The following MAP7 variants were observed in gnomAD, a reference collection of about 807,000 sequenced individuals.
The protein encoded by MAP7 is microtubule associated protein 7, also known as ensconsin.
Under a neutral mutation model 94.8 loss-of-function variants are expected in MAP7, and 52 were observed. That is an observed-to-expected ratio of 0.55 (90% CI 0.44 to 0.69). MAP7 has a LOEUF of 0.69. Ranked by LOEUF, MAP7 falls within the 30% of genes least tolerant of loss-of-function variation. The pLI is 0.00. For synonymous variants in MAP7, 350 were observed against 357.0 expected (o/e 0.98, Z 0.22); for missense variants, 940 against 964.6 (o/e 0.97, Z 0.34).
intron 3 of MAP7, among the ~76,000 whole-genome samples, chr6:136,397,662 C>T (rs1782899432): frequency 6.6e-6 from 1 of 152,090 alleles, no homozygotes; most frequent in Non-Finnish European, 1.5e-5. Flanking sequence ...GACAAAGTGG[C>T]CCACTGGAAG....
At position 136,379,241 on chromosome 6, in the gene MAP7, A is replaced by G. The variant is rs981994940; in HGVS notation, c.638-1373T>C. 2.0e-5 allele frequency among the ~76,000 whole-genome samples: 3 copies of G among 152,074 alleles called. No individual in the cohort carries two copies. The East Asian group carries it at 5.8e-4, about 29-fold the overall frequency. ...CATTGTCTTAAAAATAGTTGCTTCC[A>G]TTTGGAATGAAGTATCAATTTCCAA... On this transcript the variant is annotated intron_variant, in intron 6 of 17. Coordinates refer to ENST00000354570, the MANE Select transcript of MAP7 (RefSeq NM_003980.6).
In MAP7 at chr6:136,505,267, GTGTGTGTGTGTATATATATATA is replaced by G. The variant is rs1169274282; in HGVS notation, c.67+45053_67+45074del. ...TTCCATGTAATGTGTGTGTGTGTGT[GTGTGTGTGTGTATATATATATA>G]TATATATATATATATATATATATAG... On this transcript the variant is annotated intron_variant, in intron 1 of 17. Transcript: ENST00000354570. Among the ~76,000 whole-genome samples, 31 of 104,858 alleles carry G rather than the reference GTGTGTGTGTGTATATATATATA, an allele frequency of 3.0e-4. No individual in the cohort carries two copies. In the East Asian group the frequency reaches 6.8e-3, roughly 23 times the overall value. 68.8% of individuals were successfully genotyped at this position (104,858 alleles called of 152,430 possible). A position where few individuals can be genotyped will look rare whatever the true frequency, so the allele number is the denominator to read the frequency against.
intron 3 of MAP7, among the ~76,000 whole-genome samples, chr6:136,393,316 T>A (rs1582775639): frequency 6.6e-6 from 1 of 152,234 alleles, no homozygotes; most frequent in Non-Finnish European, 1.5e-5. Flanking sequence ...AGCAGATCCA[T>A]GTTTTGAGAA....
Position 136,550,313 on chromosome 6 carries a change from G to C in MAP7, c.67+29C>G, listed in dbSNP as rs1830055604. 6.7e-7 allele frequency: 1 copy of C among 1,488,372 alleles called. No individual in the cohort carries two copies. The highest frequency in any genetic ancestry group is 1.3e-5 in the South Asian group (1 of 78,280). 92.2% of individuals were successfully genotyped at this position (1,488,372 alleles called of 1,614,324 possible). ...CCGCTCGCCGTCCCCTGCCCGACGG[G>C]ACCCCCACTATCCCCGCTGTGCGGT... On this transcript the variant is annotated intron_variant, in intron 1 of 17. Coordinates refer to ENST00000354570, the MANE Select transcript of MAP7 (RefSeq NM_003980.6). This position sits in a 1 kb window ranked among gnomAD's most constrained non-coding sequence, Gnocchi z 5.1.
chr6:136,480,444 C>A (rs1286400909), intron 1 of MAP7, among the ~76,000 whole-genome samples: 6 of 151,584 alleles, frequency 4.0e-5, no homozygotes, highest in Non-Finnish European at 2.9e-5. Flanking sequence ...AGATCAAGAC[C>A]ATCCTGGCTA....
At position 136,449,066 on chromosome 6, in the gene MAP7, T is replaced by C. The variant is rs113174111; in HGVS notation, c.68-27267A>G. 3.3e-4 allele frequency among the ~76,000 whole-genome samples: 49 copies of C among 149,978 alleles called. 1 individual carries two copies. Among genetic ancestry groups the C allele is most frequent in the African/African-American group, 1.2e-3 (47 of 40,810 alleles). ...GCTCAAGCCCGTAATCCCAGCACTT[T>C]GGGAGGCCGAGGCGGGCGGATCACG... is the stretch of plus-strand genomic sequence containing the variant. On this transcript the variant is annotated intron_variant, in intron 1 of 17. Coordinates refer to ENST00000354570, the MANE Select transcript of MAP7 (RefSeq NM_003980.6).
In MAP7 at chr6:136,481,759, T is replaced by C. The variant is rs148175642; in HGVS notation, c.68-59960A>G. On this transcript the variant is annotated intron_variant, in intron 1 of 17. Coordinates refer to ENST00000354570, the MANE Select transcript of MAP7 (RefSeq NM_003980.6). ...GTACATTTAAAAATAACTAAAAGAG[T>C]ATAACTGGATTGTTTGTTACACAAA... Among the ~76,000 whole-genome samples the C allele has an allele frequency of 1.4e-3, 216 of 152,156 alleles. 1 individual carries two copies. The highest frequency in any genetic ancestry group is 4.9e-3 in the African/African-American group (202 of 41,512).
intron 1 of MAP7, among the ~76,000 whole-genome samples, chr6:136,509,672 C>T (rs1583101686): frequency 6.6e-6 from 1 of 152,154 alleles, no homozygotes; most frequent in African/African-American, 2.4e-5. Flanking sequence ...AATCCTTTCA[C>T]CTCAGCCTTC....
intron 1 of MAP7, among the ~76,000 whole-genome samples, chr6:136,483,739 A>G (rs1211176963): frequency 1.3e-5 from 2 of 152,242 alleles, no homozygotes; most frequent in East Asian, 3.8e-4. Context: ...ACAAAAAGAA[A>G]GAAAGTAAAC....
In MAP7 at chr6:136,407,176, CAAAT is replaced by C. The variant is rs148645296; in HGVS notation, c.244+4440_244+4443del. Among the ~76,000 whole-genome samples the C allele has an allele frequency of 8.4e-3, 1,274 of 152,200 alleles. 20 individuals carry two copies. The highest frequency in any genetic ancestry group is 0.039 in the East Asian group (203 of 5,170). ...AAGATTGTAGAGTAAGCAAAATCAG[CAAAT>C]ATTTATTATGTGTTTTACACTTAGC... is the stretch of plus-strand genomic sequence containing the variant. On this transcript the variant is annotated intron_variant, in intron 3 of 17. Coordinates refer to ENST00000354570, the MANE Select transcript of MAP7 (RefSeq NM_003980.6).
chr6:136,512,094 A>G (rs935488503), intron 1 of MAP7, among the ~76,000 whole-genome samples: 14 of 152,222 alleles, frequency 9.2e-5, no homozygotes, highest in African/African-American at 3.4e-4. Context: ...GTGGTGATTG[A>G]TCTGATATCT....
intron 1 of MAP7, among the ~76,000 whole-genome samples, chr6:136,485,745 GT>G (rs993251293): frequency 6.6e-6 from 1 of 151,626 alleles, no homozygotes; most frequent in Non-Finnish European, 1.5e-5. Flanking sequence ...TGTATTTTTA[GT>G]AGAGACGGGG....
chr6:136,405,482 G>A (rs753265331), intron 3 of MAP7, among the ~76,000 whole-genome samples: 2 of 152,188 alleles, frequency 1.3e-5, no homozygotes, highest in African/African-American at 2.4e-5. Flanking sequence ...AGTGCATTTG[G>A]CTGTAGTGTT....
At chr6:136,382,255 G>T (rs1168247764) in intron 6 of MAP7, among the ~76,000 whole-genome samples, 4 of 152,134 alleles carry the variant, frequency 2.6e-5, no homozygotes, top group Admixed American at 1.3e-4. Context: ...CAAGTTTGTT[G>T]TCTAGCTCCC....
intron 1 of MAP7, among the ~76,000 whole-genome samples, chr6:136,459,790 G>A (rs903775702): frequency 6.6e-6 from 1 of 152,132 alleles, no homozygotes; most frequent in Non-Finnish European, 1.5e-5. Context: ...TAAAGTTTCA[G>A]TTATGCAAGA....
intron 5 of MAP7, among the ~76,000 whole-genome samples, chr6:136,387,990 C>T (rs1349820777): frequency 2.6e-5 from 4 of 152,142 alleles, no homozygotes; most frequent in Non-Finnish European, 5.9e-5. Flanking sequence ...GGTCAGAATA[C>T]ATAAGCTCAT....
intron 1 of MAP7, among the ~76,000 whole-genome samples, chr6:136,544,658 T>G (rs111311220): frequency 0.012 from 1,837 of 152,266 alleles, 25 homozygotes; most frequent in Non-Finnish European, 0.016. Context: ...CTTTATGGAG[T>G]GAATCCCAGA....
chr6:136,475,790 C>T (rs1165454870), intron 1 of MAP7: 1 of 151,980 alleles, frequency 6.6e-6, no homozygotes, highest in Non-Finnish European at 1.5e-5. Flanking sequence ...CACCATCTTC[C>T]CAATGGAGAA....
At chr6:136,419,704 A>G (rs1790643196) in intron 2 of MAP7, 2 of 179,348 alleles carry the variant, frequency 1.1e-5, no homozygotes, top group African/African-American at 4.7e-5. Flanking sequence ...TAAAAGATGA[A>G]TAACAAAGCA....
Sources: gnomAD v4.1 joint callset for allele counts (sites outside exome capture counted in the v4.1 genomes callset) on GRCh38, gnomAD v4.1.1 for gene constraint, Gnocchi (gnomAD v3.1) non-coding constraint, MANE v1.5 for transcripts, NCBI Gene and HGNC (gene_info 2026-07-23, HGNC 2026-07-21) for gene names.